Variants in ZDHHC13 observed in about 807,000 individuals in gnomAD.
ZDHHC13 encodes the protein palmitoyltransferase ZDHHC13.
A neutral mutation model predicts 86.0 loss-of-function variants in ZDHHC13; 85 were observed. The observed-to-expected ratio is 0.99, with a 90% CI of 0.83 to 1.18. ZDHHC13 has a LOEUF of 1.18. ZDHHC13 is among the 50% of genes most tolerant of loss of function. ZDHHC13 has a pLI of 0.00. For synonymous variants in ZDHHC13, 263 were observed against 246.4 expected, an observed-to-expected ratio of 1.07 and a Z score of -0.63; for missense variants, 711 against 730.2, an observed-to-expected ratio of 0.97 and a Z score of 0.30.
At chr11:19,149,034 G>A (rs774662382) in intron 4 of ZDHHC13, among the ~76,000 whole-genome samples, 153 bp from the exon 5 acceptor site, 15 of 151,986 alleles carry the variant, frequency 9.9e-5, no homozygotes, top group African/African-American at 3.1e-4. Flanking sequence ...AGTTAAAAAC[G>A]TTTGGACAAT....
chr11:19,137,182 C>T (rs1416603323), intron 1 of ZDHHC13, among the ~76,000 whole-genome samples: 1 of 152,096 alleles, frequency 6.6e-6, no homozygotes, highest in Admixed American at 6.6e-5. Context: ...ATCTCATGTG[C>T]AGAGACACAC....
chr11:19,147,672 C>T lies in ZDHHC13; in HGVS notation c.373C>T (p.Arg125Ter), dbSNP rs1016119632. The T allele has an allele frequency of 1.6e-5, 25 of 1,595,038 alleles. No homozygotes were observed. Among genetic ancestry groups the T allele is most frequent in the East Asian group, 6.8e-5 (3 of 44,422 alleles). ...LNSTPLHWAI[R>*]QGHLPMVILL... Reference sequence around the variant, plus strand: ...TTCAACTCCTCTTCACTGGGCCATCCGGTAAGGTTTCTTTGAACACTGAAA... The same window carrying T: ...TTCAACTCCTCTTCACTGGGCCATCTGGTAAGGTTTCTTTGAACACTGAAA... Residue 125 changes from arginine (R) to a stop codon, truncating the protein, a stop_gained and splice_region_variant, in exon 4 of 17, where the codon CGA (arginine) becomes TGA (stop). Transcript: ENST00000446113. LOFTEE classifies it high-confidence loss of function.
chr11:19,141,396 G>A (rs1241064439), intron 1 of ZDHHC13, among the ~76,000 whole-genome samples: 1 of 152,148 alleles, frequency 6.6e-6, no homozygotes, highest in Non-Finnish European at 1.5e-5. Flanking sequence ...AGCTGAAGGA[G>A]TCCTTCTCTC....
At chr11:19,170,210 G>A (rs2133479817) in intron 14 of ZDHHC13, 5 of 1,392,698 alleles carry the variant, frequency 3.6e-6, no homozygotes, top group Non-Finnish European at 1.8e-6. Flanking sequence ...TGTTATCATA[G>A]CCTCAATTAA....
Position 19,152,549 on chromosome 11 carries a change from C to CT in ZDHHC13, c.748-4dup, listed in dbSNP as rs2133429954. ...ATACTTTTAAACTTTTTACCCTACT[C>CT]TTTTTTAAGGGAGAAACACCTCTTG... On this transcript the variant is annotated splice_polypyrimidine_tract_variant and intron_variant, in intron 7 of 16. Transcript: ENST00000446113. 1.9e-6 allele frequency: 3 copies of CT among 1,591,870 alleles called. No individual in the cohort carries two copies. The highest frequency in any genetic ancestry group is 2.2e-5 in the East Asian group (1 of 44,628).
At chr11:19,143,250 G>T in intron 2 of ZDHHC13, 127 bp downstream of exon 2, 1 of 1,015,834 alleles carries the variant, frequency 9.8e-7, no homozygotes, top group Non-Finnish European at 1.4e-6. Flanking sequence ...ACCAGCACCA[G>T]TATATTTGTC....
intron 2 of ZDHHC13, among the ~76,000 whole-genome samples, chr11:19,143,487 T>C (rs1037603348): frequency 6.6e-6 from 1 of 152,242 alleles, no homozygotes; most frequent in Admixed American, 6.5e-5. Flanking sequence ...CAAATCTAAG[T>C]CTTTTAAAAT....
intron 10 of ZDHHC13, among the ~76,000 whole-genome samples, chr11:19,162,127 G>A (rs1849928131): frequency 6.6e-6 from 1 of 152,096 alleles, no homozygotes; most frequent in African/African-American, 2.4e-5. Context: ...CTATCATTTG[G>A]AAGCCAATGC....
At chr11:19,137,680 C>T (rs941512681) in intron 1 of ZDHHC13, among the ~76,000 whole-genome samples, 2 of 151,900 alleles carry the variant, frequency 1.3e-5, no homozygotes, top group African/African-American at 4.8e-5. Flanking sequence ...AAGCTCTCCT[C>T]AGCAAAAGAA....
In ZDHHC13 at chr11:19,175,976, A is replaced by G. The variant is rs748369956; in HGVS notation, c.*16A>G. Reference sequence around the variant, plus strand: ...CTCAGTATGAAGAAAAGCAACCCAAAACTCTCAATCTGATTTGTTTTTGTT... The same window carrying G: ...CTCAGTATGAAGAAAAGCAACCCAAGACTCTCAATCTGATTTGTTTTTGTT... On this transcript the variant is annotated 3_prime_UTR_variant, in exon 17 of 17. Transcript: ENST00000446113. 6 of 1,587,598 alleles carry G rather than the reference A, an allele frequency of 3.8e-6. No homozygotes were observed. Among genetic ancestry groups the G allele is most frequent in the Non-Finnish European group, 5.1e-6 (6 of 1,172,118 alleles).
chr11:19,170,375 CTTTTTTTT>C (rs55637113), intron 14 of ZDHHC13, 28 bp from the exon 15 acceptor site: 27 of 1,234,710 alleles, frequency 2.2e-5, no homozygotes, highest in East Asian at 1.6e-4. Context: ...AGTTTATTGC[CTTTTTTTT>C]TTTTTTTTTT....
rs76856660 is a variant in ZDHHC13, at chr11:19,141,499, T to C, written c.28-1479T>C. Among the ~76,000 whole-genome samples the C allele has an allele frequency of 8.1e-3, 1,234 of 152,186 alleles. 22 individuals are homozygous for C. Among genetic ancestry groups the C allele is most frequent in the African/African-American group, 0.028 (1,175 of 41,540 alleles). On this transcript the variant is annotated intron_variant, in intron 1 of 16. Coordinates refer to ENST00000446113, the MANE Select transcript of ZDHHC13 (RefSeq NM_019028.3). Reference sequence around the variant, plus strand: ...TTAACTCCCTCTGCCTGCCTGCTTGTCCACCAAATATTTTAGCAAAGTTGT... The same window carrying C: ...TTAACTCCCTCTGCCTGCCTGCTTGCCCACCAAATATTTTAGCAAAGTTGT...
chr11:19,130,221 T>G (rs1370051955), intron 1 of ZDHHC13, among the ~76,000 whole-genome samples: 1 of 152,240 alleles, frequency 6.6e-6, no homozygotes, highest in Non-Finnish European at 1.5e-5. Context: ...AAGATTTTCA[T>G]TATGAATCAA....
Position 19,146,184 on chromosome 11 carries a change from C to T in ZDHHC13, c.177C>T (p.Tyr59=), listed in dbSNP as rs752128355. Residue 59 remains tyrosine, a synonymous_variant, in exon 3 of 17, where the codon TAC becomes TAT. Transcript: ENST00000446113. Reference sequence around the variant, plus strand: ...GCTTTTTTTTTTCTTCTTTGAGATACGGAATTTTTGAACGATGTAAAGAGT... The same window carrying T: ...GCTTTTTTTTTTCTTCTTTGAGATATGGAATTTTTGAACGATGTAAAGAGT... ...SNCDIVKATQ[Y]GIFERCKELV... 6 of 1,572,522 alleles carry T rather than the reference C, an allele frequency of 3.8e-6. No individual in the cohort carries two copies. The highest frequency in any genetic ancestry group is 1.2e-5 in the South Asian group (1 of 83,290).
intron 11 of ZDHHC13, among the ~76,000 whole-genome samples, chr11:19,163,797 G>A (rs934122903): frequency 6.6e-6 from 1 of 152,064 alleles, no homozygotes; most frequent in East Asian, 1.9e-4. Context: ...ATTGGCTGAG[G>A]AGATGCCCCT....
chr11:19,149,201 C>T lies in ZDHHC13; in HGVS notation c.389C>T (p.Pro130Leu), dbSNP rs1246760328. Residue 130 changes from proline to leucine, a missense_variant, in exon 5 of 17, where the codon CCT (proline) becomes CTT (leucine). By Grantham distance (98) the Pro-to-Leu change is moderately conservative (BLOSUM62 -3). Coordinates refer to ENST00000446113, the MANE Select transcript of ZDHHC13 (RefSeq NM_019028.3). ...TCTATTTGCAGACAAGGACATTTAC[C>T]TATGGTCATATTATTACTCCAGCAT... is the stretch of plus-strand genomic sequence containing the variant. ...LHWAIRQGHL[P>L]MVILLLQHGA... 1 of 1,583,314 alleles carries T rather than the reference C, an allele frequency of 6.3e-7. No individual in the cohort carries two copies.
chr11:19,128,832 A>G (rs1848929963), intron 1 of ZDHHC13, among the ~76,000 whole-genome samples: 2 of 152,130 alleles, frequency 1.3e-5, no homozygotes, highest in South Asian at 2.1e-4. Flanking sequence ...ATTTATAGCA[A>G]TTTTCTAGGG....
At chr11:19,159,199 A>T (rs1849841113) in intron 10 of ZDHHC13, among the ~76,000 whole-genome samples, 159 bp downstream of exon 10, 1 of 152,104 alleles carries the variant, frequency 6.6e-6, no homozygotes, top group Non-Finnish European at 1.5e-5. Flanking sequence ...TTGAAAATCT[A>T]CTTGATTCTA....
At position 19,117,310 on chromosome 11, in the gene ZDHHC13, C is replaced by G; in HGVS notation, c.27+34C>G. On this transcript the variant is annotated intron_variant, in intron 1 of 16. Transcript: ENST00000446113. This position sits in a 1 kb window ranked among gnomAD's most constrained non-coding sequence, Gnocchi z 4.2. Reference sequence around the variant, plus strand: ...GGCCGGGCGGTGGCTGTCCTGGGGGCCGGGAGAGCGGCTGCAGCTGTGGAG... The same window carrying G: ...GGCCGGGCGGTGGCTGTCCTGGGGGGCGGGAGAGCGGCTGCAGCTGTGGAG... 6.9e-7 allele frequency: 1 copy of G among 1,445,076 alleles called. No individual in the cohort carries two copies. Among genetic ancestry groups the G allele is most frequent in the African/African-American group, 1.5e-5 (1 of 68,120 alleles). 89.5% of individuals were successfully genotyped at this position (1,445,076 alleles called of 1,614,324 possible).
Sources: allele counts gnomAD v4.1 joint callset (sites outside exome capture counted in the v4.1 genomes callset), GRCh38; gene constraint gnomAD v4.1.1; non-coding constraint Gnocchi (gnomAD v3.1); transcripts MANE v1.5; gene names NCBI Gene and HGNC (gene_info 2026-07-23, HGNC 2026-07-21).